Variants in ELK4 observed in about 807,000 individuals in gnomAD.
ELK4 encodes ETS transcription factor ELK4.
ELK4 carries 16 observed loss-of-function variants against 29.6 expected under a neutral mutation model. The ratio of observed to expected loss-of-function variants is 0.54; its 90% CI spans 0.37 to 0.82. The LOEUF is 0.82. Ranked by LOEUF, ELK4 falls within the 40% of genes least tolerant of loss-of-function variation. The probability of loss-of-function intolerance (pLI) is 0.00; values close to 1 mark genes in which losing one functional copy is unlikely to be tolerated. For missense variants in ELK4, 465 were observed against 507.1 expected (o/e 0.92, Z 0.80); for synonymous variants, 213 against 191.1 (o/e 1.11, Z -0.95).
chr1:205,627,952 G>C (rs553214501), intron 1 of ELK4, among the ~76,000 whole-genome samples: 1 of 152,318 alleles, frequency 6.6e-6, no homozygotes, highest in South Asian at 2.1e-4. Context: ...TGGAAAAGCT[G>C]AGGCCATGAG....
In ELK4 at chr1:205,613,784, C is replaced by T. The variant is rs1670189512; in HGVS notation, c.*2762G>A. The T allele has an allele frequency of 5.6e-6, 1 of 177,196 alleles. No homozygotes were observed. The highest frequency in any genetic ancestry group is 2.4e-5 in the African/African-American group (1 of 41,892). The allele number at this position is 177,196 out of a possible 1,614,324, so 11.0% of individuals were successfully genotyped here. A position where few individuals can be genotyped will look rare whatever the true frequency, so the allele number is the denominator to read the frequency against. ...AGAGAAGATGTCTCAAAACCCCATT[C>T]AATCTGCTCCCCTTCCGTAACTTAG... On this transcript the variant is annotated 3_prime_UTR_variant, in exon 5 of 5. Transcript: ENST00000357992.
intron 4 of ELK4, among the ~76,000 whole-genome samples, chr1:205,617,998 A>G (rs1342463145): frequency 1.0e-5 from 1 of 97,486 alleles, no homozygotes; most frequent in African/African-American, 3.5e-5. Flanking sequence ...AGAGAGAGAG[A>G]GCAAGAGAGA....
At chr1:205,619,610 A>C in intron 3 of ELK4, 2 of 1,293,032 alleles carry the variant, frequency 1.5e-6, no homozygotes, top group Non-Finnish European at 2.0e-6. Context: ...GGTTCTCAGG[A>C]CCTACTGTTT....
At chr1:205,624,819 A>T (rs1670421321) in intron 1 of ELK4, among the ~76,000 whole-genome samples, 1 of 152,180 alleles carries the variant, frequency 6.6e-6, no homozygotes, top group Non-Finnish European at 1.5e-5. Flanking sequence ...ATCTCCAGAC[A>T]CTGCCAAATA....
intron 3 of ELK4, chr1:205,619,765 T>A (rs1023536167): frequency 4.0e-6 from 6 of 1,506,102 alleles, no homozygotes; most frequent in Non-Finnish European, 5.3e-6. Context: ...ATGAATTTTT[T>A]AAGAAAATAC....
chr1:205,621,193 T>TAAAAAAAAAAAAAAAAAAAAA (rs61338827), intron 2 of ELK4, among the ~76,000 whole-genome samples: 1 of 77,452 alleles, frequency 1.3e-5, no homozygotes. Context: ...GAGTCTGTCT[T>TAAAAAAAAAAAAAAAAAAAAA]AAAAAAAAAA....
rs572257412 is a variant in ELK4, at chr1:205,612,284, G to A, written c.*4262C>T. ...GAGCATCATATATGTTTGGAGATTAGAATGAGAATATCCTGAGTCAGCAGT... is the reference window on the plus strand; with the variant it reads ...GAGCATCATATATGTTTGGAGATTAAAATGAGAATATCCTGAGTCAGCAGT... On this transcript the variant is annotated 3_prime_UTR_variant, in exon 5 of 5. Coordinates refer to ENST00000357992, the MANE Select transcript of ELK4 (RefSeq NM_001973.4). 23 of 207,062 alleles carry A rather than the reference G, an allele frequency of 1.1e-4. No individual in the cohort carries two copies. In the Admixed American group the frequency reaches 1.2e-3, roughly 11 times the overall value. The allele number at this position is 207,062 out of a possible 1,614,324, so 12.8% of individuals were successfully genotyped here. A position where few individuals can be genotyped will look rare whatever the true frequency, so the allele number is the denominator to read the frequency against.
rs1670199567 is a variant in ELK4 at position 205,614,517 on chromosome 1, A to G, written c.*2029T>C. On this transcript the variant is annotated 3_prime_UTR_variant, in exon 5 of 5. Transcript: ENST00000357992. ...CTGTTCCCCATCACTATTAAACAATACCTTTCAACACTACTATTGCACATC... is the reference window on the plus strand; with the variant it reads ...CTGTTCCCCATCACTATTAAACAATGCCTTTCAACACTACTATTGCACATC... The G allele has an allele frequency of 4.4e-6, 1 of 228,776 alleles. No homozygotes were observed. Among genetic ancestry groups the G allele is most frequent in the African/African-American group, 2.2e-5 (1 of 45,082 alleles). The allele number at this position is 228,776 out of a possible 1,614,324, so 14.2% of individuals were successfully genotyped here.
In ELK4 at chr1:205,614,402, T is replaced by G. The variant is rs1670197810; in HGVS notation, c.*2144A>C. 1 of 227,186 alleles carries G rather than the reference T, an allele frequency of 4.4e-6. No individual in the cohort carries two copies. The highest frequency in any genetic ancestry group is 8.7e-6 in the Non-Finnish European group (1 of 114,404). 14.1% of individuals were successfully genotyped at this position (227,186 alleles called of 1,614,324 possible). A position where few individuals can be genotyped will look rare whatever the true frequency, so the allele number is the denominator to read the frequency against. ...TTAATGTACAAAATGTTAACCTAAT[T>G]AAAACTATTTCAAAGTGCTGCTGAG... On this transcript the variant is annotated 3_prime_UTR_variant, in exon 5 of 5. Transcript: ENST00000357992.
intron 1 of ELK4, chr1:205,625,978 A>T: frequency 8.5e-7 from 1 of 1,172,590 alleles, no homozygotes; most frequent in Non-Finnish European, 1.3e-6. Flanking sequence ...CGCCCGGCCC[A>T]GTTCTACTTC....
Position 205,620,620 on chromosome 1 carries a change from T to C in ELK4, c.426A>G (p.Ile142Met). 6.2e-7 allele frequency: 1 copy of C among 1,614,192 alleles called. No homozygotes were observed. Among genetic ancestry groups the C allele is most frequent in the Non-Finnish European group, 8.5e-7 (1 of 1,180,042 alleles). Residue 142 changes from isoleucine (I) to methionine (M), a missense_variant, in exon 3 of 5, where the codon ATA becomes ATG. Coordinates refer to ENST00000357992, the MANE Select transcript of ELK4 (RefSeq NM_001973.4). The stretch of plus-strand genomic sequence containing the variant: ...TAAATGAAGAATATAAGCCAGAGTG[T>C]ATGTAGTCATTGCGGCTAGAGGTCT... ...GAKTSSRNDYIHSGLYSSFTL... is the reference protein window; with the variant it reads ...GAKTSSRNDYMHSGLYSSFTL...
chr1:205,611,612 C>G lies in ELK4; in HGVS notation c.*4934G>C, dbSNP rs1371176898. ...TGACCTCCACACTTCACTTACACTA[C>G]TATGGACTGAACAATTAACTTCTCA... On this transcript the variant is annotated 3_prime_UTR_variant, in exon 5 of 5. Coordinates refer to ENST00000357992, the MANE Select transcript of ELK4 (RefSeq NM_001973.4). The G allele has an allele frequency of 5.0e-6, 1 of 200,798 alleles. No individual in the cohort carries two copies. Among genetic ancestry groups the G allele is most frequent in the Non-Finnish European group, 1.0e-5 (1 of 97,546 alleles). 12.4% of individuals were successfully genotyped at this position (200,798 alleles called of 1,614,324 possible).
At position 205,610,771 on chromosome 1, in the gene ELK4, ACG is replaced by A. The variant is rs1009686153; in HGVS notation, c.*5773_*5774del. The A allele has an allele frequency of 4.3e-6, 1 of 230,706 alleles. No homozygotes were observed. The highest frequency in any genetic ancestry group is 1.8e-4 in the South Asian group (1 of 5,508). The allele number at this position is 230,706 out of a possible 1,614,324, so 14.3% of individuals were successfully genotyped here. The stretch of plus-strand genomic sequence containing the variant: ...ATGTTCCCTATGAAAACAGATTTAC[ACG>A]CGCACACACACACACACACACATTC... On this transcript the variant is annotated 3_prime_UTR_variant, in exon 5 of 5. Transcript: ENST00000357992.
At chr1:205,628,935 A>G (rs1028291117) in intron 1 of ELK4, among the ~76,000 whole-genome samples, 2 of 151,936 alleles carry the variant, frequency 1.3e-5, no homozygotes, top group African/African-American at 4.8e-5. Context: ...ACACTTTGGG[A>G]GGCCGAGGCA....
chr1:205,621,193 T>TA (rs61338827), intron 2 of ELK4, among the ~76,000 whole-genome samples: 16,969 of 77,162 alleles, frequency 0.22, 2,867 homozygotes, highest in Non-Finnish European at 0.27. Flanking sequence ...GAGTCTGTCT[T>TA]AAAAAAAAAA....
chr1:205,619,267 C>A, intron 3 of ELK4, 194 bp from the exon 4 acceptor site: 1 of 1,053,618 alleles, frequency 9.5e-7, no homozygotes, highest in South Asian at 4.7e-5. Context: ...ATAATAACTA[C>A]TTAAAATTTT....
intron 4 of ELK4, 81 bp from the exon 5 acceptor site, chr1:205,616,725 C>A (rs1214251866): frequency 5.2e-6 from 6 of 1,149,950 alleles, no homozygotes; most frequent in Non-Finnish European, 7.6e-6. Context: ...TTACCTGAGG[C>A]AAAACACAAC....
Position 205,612,339 on chromosome 1 carries a change from T to C in ELK4, c.*4207A>G, listed in dbSNP as rs961619526. On this transcript the variant is annotated 3_prime_UTR_variant, in exon 5 of 5. Transcript: ENST00000357992. ...AGGAAAAGCGTGTGCTTCTGGAGGG[T>C]GCACAAGACAACCAACTGGGGTGTG... The C allele has an allele frequency of 1.5e-4, 32 of 214,280 alleles. No homozygotes were observed. Among genetic ancestry groups the C allele is most frequent in the African/African-American group, 7.0e-4 (31 of 44,360 alleles). The allele number at this position is 214,280 out of a possible 1,614,324, so 13.3% of individuals were successfully genotyped here.
chr1:205,618,848 T>C, intron 4 of ELK4, 109 bp downstream of exon 4: 1 of 802,378 alleles, frequency 1.2e-6, no homozygotes, highest in Non-Finnish European at 2.0e-6. Flanking sequence ...AGAATATTCA[T>C]TAAATAGAAG....
Sources: gnomAD v4.1 joint callset for allele counts (sites outside exome capture counted in the v4.1 genomes callset) on GRCh38, gnomAD v4.1.1 for gene constraint, MANE v1.5 for transcripts, NCBI Gene and HGNC (gene_info 2026-07-23, HGNC 2026-07-21) for gene names.